ARFGAP3: variants seen among roughly 807,000 people sequenced by gnomAD.
The protein encoded by ARFGAP3 is ARF GTPase activating protein 3.
A neutral mutation model predicts 75.0 loss-of-function variants in ARFGAP3; 72 were observed. That is an observed-to-expected ratio of 0.96 (90% CI 0.79 to 1.17). The LOEUF (loss-of-function observed/expected upper bound fraction) is 1.17, where lower values mean the gene tolerates loss of function less well. Among genes scored for constraint, ARFGAP3 ranks in the 50% most tolerant of loss-of-function variants. The probability of loss-of-function intolerance (pLI) is 0.00; values close to 1 mark genes in which losing one functional copy is unlikely to be tolerated. For missense variants in ARFGAP3, 620 were observed against 626.6 expected, an observed-to-expected ratio of 0.99 and a Z score of 0.11; for synonymous variants, 221 against 217.9, an observed-to-expected ratio of 1.01 and a Z score of -0.13.
intron 6 of ARFGAP3, among the ~76,000 whole-genome samples, chr22:42,829,629 T>C (rs1040891686): frequency 4.6e-5 from 7 of 152,256 alleles, no homozygotes; most frequent in African/African-American, 1.7e-4. Flanking sequence ...CAAGCCGTTT[T>C]TGTCTACATA....
chr22:42,842,304 CTTTT>C (rs58205841), intron 2 of ARFGAP3, among the ~76,000 whole-genome samples: 46,020 of 119,910 alleles, frequency 0.38, 8,916 homozygotes, highest in Non-Finnish European at 0.44. Flanking sequence ...CGTGCCTGGC[CTTTT>C]TTTTTTTTTT....
chr22:42,824,682 A>T (rs1469221898), intron 7 of ARFGAP3, among the ~76,000 whole-genome samples: 1 of 152,094 alleles, frequency 6.6e-6, no homozygotes, highest in Non-Finnish European at 1.5e-5. Context: ...TTTAAAAATC[A>T]TTATAATTTT....
At chr22:42,813,179 C>A (rs1373626311) in intron 11 of ARFGAP3, among the ~76,000 whole-genome samples, 3 of 152,186 alleles carry the variant, frequency 2.0e-5, no homozygotes, top group Admixed American at 2.0e-4. Flanking sequence ...AGACAAAGGG[C>A]AAGAAGACAC....
At chr22:42,802,127 G>C (rs1372147476) in intron 14 of ARFGAP3, among the ~76,000 whole-genome samples, 1 of 151,990 alleles carries the variant, frequency 6.6e-6, no homozygotes, top group Non-Finnish European at 1.5e-5. Flanking sequence ...TGAGGAGAGG[G>C]GTGAGCAGCA....
At chr22:42,805,808 A>G (rs1370091229) in intron 14 of ARFGAP3, among the ~76,000 whole-genome samples, 2 of 151,928 alleles carry the variant, frequency 1.3e-5, no homozygotes, top group Non-Finnish European at 2.9e-5. Context: ...GGGCTTGTCC[A>G]CTCTGGCCCT....
At position 42,808,845 on chromosome 22, in the gene ARFGAP3, T is replaced by G. The variant is rs151228191; in HGVS notation, c.1242A>C (p.Thr414=). 6.2e-7 allele frequency: 1 copy of G among 1,613,596 alleles called. No homozygotes were observed. Among genetic ancestry groups the G allele is most frequent in the South Asian group, 1.1e-5 (1 of 90,938 alleles). Residue 414 remains threonine, a synonymous_variant, in exon 13 of 16, where the codon ACA becomes ACC. Coordinates refer to ENST00000263245, the MANE Select transcript of ARFGAP3 (RefSeq NM_014570.5). ...RKPDYEPVEN[T]DEAQKKFGNV... ...TGCCAAACTTCTTCTGGGCCTCATC[T>G]GTATTTTCAACTGGCTCATAATCTG...
intron 1 of ARFGAP3, among the ~76,000 whole-genome samples, chr22:42,855,516 T>C (rs1382877226): frequency 6.6e-6 from 1 of 151,880 alleles, no homozygotes; most frequent in Non-Finnish European, 1.5e-5. Flanking sequence ...TGAAACCTCG[T>C]CTCTACTAAA....
rs574564072 is a variant in ARFGAP3, at chr22:42,854,830, C to G, written c.69+2284G>C. ...AATTTTAAAATGCTATTGTTATCTT[C>G]GTTTAGGTAAGGGTTTCAAACCAAT... On this transcript the variant is annotated intron_variant, in intron 1 of 15. Transcript: ENST00000263245. Among the ~76,000 whole-genome samples the G allele has an allele frequency of 2.0e-5, 3 of 152,172 alleles. No individual in the cohort carries two copies. In the South Asian group the frequency reaches 6.2e-4, roughly 32 times the overall value.
chr22:42,850,819 C>G (rs1927247521), intron 1 of ARFGAP3, among the ~76,000 whole-genome samples: 2 of 152,158 alleles, frequency 1.3e-5, no homozygotes, highest in South Asian at 4.1e-4. Context: ...AGGAGATTTA[C>G]TTTGGTGTTT....
chr22:42,852,161 C>T (rs955408623), intron 1 of ARFGAP3, among the ~76,000 whole-genome samples: 2 of 151,294 alleles, frequency 1.3e-5, no homozygotes, highest in African/African-American at 4.9e-5. Flanking sequence ...CTCAAGCAAT[C>T]CTCCCACCTC....
At chr22:42,856,908 C>G (rs1385234256) in intron 1 of ARFGAP3, among the ~76,000 whole-genome samples, 1 of 150,692 alleles carries the variant, frequency 6.6e-6, no homozygotes, top group South Asian at 2.1e-4. Flanking sequence ...CGCGTGAGGA[C>G]CCCCGCGCTG....
At chr22:42,827,367 T>G (rs534896074) in intron 6 of ARFGAP3, among the ~76,000 whole-genome samples, 99 of 152,082 alleles carry the variant, frequency 6.5e-4, no homozygotes, top group Admixed American at 3.9e-3. Context: ...TGTTTTGTTT[T>G]GTTTTTTTTT....
chr22:42,800,332 C>T (rs1924799921), intron 14 of ARFGAP3, among the ~76,000 whole-genome samples: 1 of 152,136 alleles, frequency 6.6e-6, no homozygotes, highest in Admixed American at 6.6e-5. Flanking sequence ...GAGTTCAAGA[C>T]CAGCCTGGCC....
chr22:42,856,194 T>A (rs544492340), intron 1 of ARFGAP3, among the ~76,000 whole-genome samples: 8 of 152,308 alleles, frequency 5.3e-5, no homozygotes, highest in Admixed American at 5.2e-4. Context: ...GGAAAAAATA[T>A]GGGCTCCCCT....
chr22:42,841,176 T>C, intron 2 of ARFGAP3, 160 bp from the exon 3 acceptor site: 1 of 927,854 alleles, frequency 1.1e-6, no homozygotes, highest in Non-Finnish European at 1.3e-6. Context: ...GACTCCAGAG[T>C]GGATGATGGT....
chr22:42,800,038 G>A (rs1924785366), intron 14 of ARFGAP3, among the ~76,000 whole-genome samples: 1 of 152,202 alleles, frequency 6.6e-6, no homozygotes, highest in Non-Finnish European at 1.5e-5. Context: ...TCTGGGTGAA[G>A]TTCATCAGGG....
At chr22:42,841,524 T>C (rs1235632447) in intron 2 of ARFGAP3, among the ~76,000 whole-genome samples, 1 of 152,142 alleles carries the variant, frequency 6.6e-6, no homozygotes, top group African/African-American at 2.4e-5. Context: ...TACAAGCACT[T>C]CCTGCCCCTT....
At position 42,817,278 on chromosome 22, in the gene ARFGAP3, A is replaced by C; in HGVS notation, c.942-14T>G. ...TGTGAAATAACACTTGAGAAAACAG[A>C]AAAATATATATATCAGTAAGTTCAC... is the stretch of plus-strand genomic sequence containing the variant. On this transcript the variant is annotated splice_polypyrimidine_tract_variant and intron_variant, in intron 10 of 15. Transcript: ENST00000263245. 6.3e-7 allele frequency: 1 copy of C among 1,592,920 alleles called. No individual in the cohort carries two copies.
intron 1 of ARFGAP3, 27 bp from the exon 2 acceptor site, chr22:42,847,659 C>A (rs1247939188): frequency 6.2e-7 from 1 of 1,605,814 alleles, no homozygotes; most frequent in Non-Finnish European, 8.5e-7. Flanking sequence ...AATTCAGTTA[C>A]TAATTTATGT....
Sources: gnomAD v4.1 joint callset for allele counts (sites outside exome capture counted in the v4.1 genomes callset) on GRCh38, gnomAD v4.1.1 for gene constraint, MANE v1.5 for transcripts, NCBI Gene and HGNC (gene_info 2026-07-23, HGNC 2026-07-21) for gene names.